Variants in TRPM3 observed in about 807,000 individuals in gnomAD.
TRPM3 encodes transient receptor potential cation channel subfamily M member 3.
TRPM3 carries 77 observed loss-of-function variants against 181.2 expected under a neutral mutation model. The observed-to-expected ratio is 0.42, with a 90% confidence interval of 0.35 to 0.51. The LOEUF is 0.51. Among genes scored for constraint, TRPM3 ranks in the 20% least tolerant of loss-of-function variants. The probability of loss-of-function intolerance (pLI) is 0.01; values close to 1 mark genes in which losing one functional copy is unlikely to be tolerated. For synonymous variants in TRPM3, 745 were observed against 796.4 expected, an observed-to-expected ratio of 0.94 and a Z score of 1.09; for missense variants, 1,759 against 2,196.7, an observed-to-expected ratio of 0.80 and a Z score of 3.98.
intron 1 of TRPM3, among the ~76,000 whole-genome samples, chr9:71,351,791 AC>A (rs1428172688): frequency 6.6e-6 from 1 of 152,156 alleles, no homozygotes. Context: ...ACTAAGTCCA[AC>A]AATAAAGGTT....
chr9:70,924,452 T>C (rs1011582039), intron 1 of TRPM3, among the ~76,000 whole-genome samples: 4 of 152,174 alleles, frequency 2.6e-5, no homozygotes, highest in Non-Finnish European at 5.9e-5. Context: ...CTGATGACAA[T>C]CAGTTCCATT....
Position 70,977,657 on chromosome 9 carries a change from T to A in TRPM3, c.178-113146A>T, listed in dbSNP as rs59695160. On this transcript the variant is annotated intron_variant, in intron 1 of 25. Transcript: ENST00000677713. ...ACAGTCAGTCTGGGTCAGTTTTATTTCTGAGTGACCAGCTGTAAAGTTGGG... is the reference window on the plus strand; with the variant it reads ...ACAGTCAGTCTGGGTCAGTTTTATTACTGAGTGACCAGCTGTAAAGTTGGG... 4.3e-3 allele frequency among the ~76,000 whole-genome samples: 654 copies of A among 152,344 alleles called. 5 individuals carry two copies. The highest frequency in any genetic ancestry group is 0.015 in the African/African-American group (627 of 41,590).
At chr9:71,034,409 A>C (rs1714260916) in intron 1 of TRPM3, among the ~76,000 whole-genome samples, 1 of 152,202 alleles carries the variant, frequency 6.6e-6, no homozygotes, top group Non-Finnish European at 1.5e-5. Flanking sequence ...CATGGGAAAA[A>C]AGAGAGGTGA....
intron 1 of TRPM3, among the ~76,000 whole-genome samples, chr9:71,027,643 C>T (rs926593291): frequency 1.3e-5 from 2 of 152,200 alleles, no homozygotes; most frequent in African/African-American, 4.8e-5. Flanking sequence ...AGCTGAAAGA[C>T]ACTCTACAAG....
At chr9:71,367,963 A>G (rs72735832) in intron 1 of TRPM3, among the ~76,000 whole-genome samples, 6 of 124,438 alleles carry the variant, frequency 4.8e-5, no homozygotes, top group East Asian at 2.5e-4. Flanking sequence ...GTGTGTGTAT[A>G]TATATATCAT....
intron 1 of TRPM3, among the ~76,000 whole-genome samples, chr9:71,165,461 C>T (rs2076494514): frequency 1.3e-5 from 2 of 152,106 alleles, no homozygotes; most frequent in South Asian, 4.1e-4. Flanking sequence ...CACACATGCA[C>T]ACACACACTT....
At position 70,556,259 on chromosome 9, in the gene TRPM3, A is replaced by G. The variant is rs902825366; in HGVS notation, c.3224-2949T>C. The stretch of plus-strand genomic sequence containing the variant: ...CTTTTTTTTTTTTTTAACATTATGT[A>G]CCTTCCTGAGAAACTTAATATCTTT... On this transcript the variant is annotated intron_variant, in intron 22 of 25. Transcript: ENST00000677713. Among the ~76,000 whole-genome samples the G allele has an allele frequency of 2.2e-4, 33 of 150,152 alleles. 1 individual carries two copies. The highest frequency in any genetic ancestry group is 5.9e-5 in the Non-Finnish European group (4 of 67,680).
At chr9:71,377,855 C>A (rs1205050721) in intron 1 of TRPM3, among the ~76,000 whole-genome samples, 2 of 151,810 alleles carry the variant, frequency 1.3e-5, no homozygotes, top group Non-Finnish European at 2.9e-5. Flanking sequence ...TGTCTAGATT[C>A]TTTGGCTAAT....
chr9:70,696,151 T>C (rs759166165), intron 8 of TRPM3, among the ~76,000 whole-genome samples: 12 of 152,246 alleles, frequency 7.9e-5, no homozygotes, highest in Admixed American at 3.3e-4. Context: ...CCCAGTAGTA[T>C]GGCTGGCGCA....
intron 1 of TRPM3, among the ~76,000 whole-genome samples, chr9:71,290,076 T>C (rs1424591106): frequency 5.0e-5 from 6 of 120,188 alleles, no homozygotes; most frequent in Non-Finnish European, 1.0e-4. Flanking sequence ...GTTTAAAAAG[T>C]ACAAAAAAAG....
At chr9:71,142,613 G>C (rs1288931241) in intron 1 of TRPM3, among the ~76,000 whole-genome samples, 1 of 151,920 alleles carries the variant, frequency 6.6e-6, no homozygotes, top group African/African-American at 2.4e-5. Flanking sequence ...TTGAAACCAG[G>C]TTATTAAAAG....
intron 1 of TRPM3, among the ~76,000 whole-genome samples, chr9:70,869,598 G>A (rs1199908624): frequency 6.6e-6 from 1 of 151,982 alleles, no homozygotes. Flanking sequence ...CTGAACATGG[G>A]CCTAAGAAGA....
chr9:70,825,882 A>G (rs1297021439), intron 6 of TRPM3: 2 of 152,310 alleles, frequency 1.3e-5, no homozygotes, highest in African/African-American at 2.4e-5. Context: ...AAGTTTGACT[A>G]AAACCTAGGC....
chr9:70,948,475 G>A (rs1281956290), intron 1 of TRPM3, among the ~76,000 whole-genome samples: 21 of 152,048 alleles, frequency 1.4e-4, no homozygotes, highest in Admixed American at 1.3e-3. Context: ...GCCCTTTGAC[G>A]ACTATAATAC....
chr9:70,554,790 C>A (rs898565801), intron 22 of TRPM3, among the ~76,000 whole-genome samples: 1 of 152,204 alleles, frequency 6.6e-6, no homozygotes, highest in African/African-American at 2.4e-5. Flanking sequence ...GACACCAAGA[C>A]CTGGTTTTTA....
intron 1 of TRPM3, among the ~76,000 whole-genome samples, chr9:71,325,685 A>G (rs2089627377): frequency 6.6e-6 from 1 of 152,114 alleles, no homozygotes; most frequent in Non-Finnish European, 1.5e-5. Flanking sequence ...CAAAACCTAC[A>G]AAGGCATAAA....
At chr9:70,935,852 CA>C (rs1357466652) in intron 1 of TRPM3, among the ~76,000 whole-genome samples, 4 of 152,150 alleles carry the variant, frequency 2.6e-5, no homozygotes, top group Non-Finnish European at 4.4e-5. Flanking sequence ...TTGTTCACTC[CA>C]ATCAGTTACC....
chr9:71,444,175 C>T (rs1420673855), intron 1 of TRPM3, among the ~76,000 whole-genome samples: 1 of 54,300 alleles, frequency 1.8e-5, no homozygotes, highest in Admixed American at 2.4e-4. Context: ...AAGAATACAT[C>T]TCAAAAAAAA....
In TRPM3 at chr9:70,696,473, C is replaced by A. The variant is rs559429182; in HGVS notation, c.1273-14895G>T. ...GAGTTAGGACTCACTTTGCTTGTAG[C>A]CTTGTAGGATAATCATAGGCAAAAG... On this transcript the variant is annotated intron_variant, in intron 8 of 25. Coordinates refer to ENST00000677713, the MANE Select transcript of TRPM3 (RefSeq NM_001366145.2). Among the ~76,000 whole-genome samples the A allele has an allele frequency of 2.6e-5, 4 of 152,292 alleles. No homozygotes were observed. In the South Asian group the frequency reaches 8.3e-4, roughly 32 times the overall value.
Sources: gnomAD v4.1 joint callset for allele counts (sites outside exome capture counted in the v4.1 genomes callset) on GRCh38, gnomAD v4.1.1 for gene constraint, MANE v1.5 for transcripts, NCBI Gene and HGNC (gene_info 2026-07-23, HGNC 2026-07-21) for gene names.